Variants in LAMC3 observed in about 807,000 individuals in gnomAD.
LAMC3 encodes laminin subunit gamma 3, also known as laminin subunit gamma-3.
In LAMC3, 128 loss-of-function variants were observed where a neutral mutation model predicts 173.8. The observed-to-expected ratio is 0.74, with a 90% CI of 0.64 to 0.85. The LOEUF is 0.85. Ranked by LOEUF, LAMC3 falls within the 40% of genes least tolerant of loss-of-function variation. The pLI, the probability that LAMC3 is intolerant of heterozygous loss-of-function variation, is 0.00. For missense variants in LAMC3, 2,022 were observed against 2,156.0 expected (o/e 0.94, Z 1.23); for synonymous variants, 897 against 909.1 (o/e 0.99, Z 0.24).
intron 3 of LAMC3, among the ~76,000 whole-genome samples, chr9:131,032,892 T>C (rs2133239410): frequency 6.6e-6 from 1 of 152,350 alleles, no homozygotes; most frequent in East Asian, 1.9e-4. Context: ...GGTCTTGAAC[T>C]CCCAGCCTCA....
chr9:131,061,274 C>A lies in LAMC3; in HGVS notation c.2347+51C>A, dbSNP rs758269416. 8.8e-6 allele frequency: 13 copies of A among 1,485,502 alleles called. No individual in the cohort carries two copies. The Admixed American group carries it at 2.2e-4, about 25-fold the overall frequency. 92.0% of individuals were successfully genotyped at this position (1,485,502 alleles called of 1,614,324 possible). On this transcript the variant is annotated intron_variant, in intron 13 of 27. Coordinates refer to ENST00000361069, the MANE Select transcript of LAMC3 (RefSeq NM_006059.4). ...TGCCCCGCAGAGGGCCAAGCCCCGGCACTGTGACTATGCCCTGGGCTCCAG... is the reference window on the plus strand; with the variant it reads ...TGCCCCGCAGAGGGCCAAGCCCCGGAACTGTGACTATGCCCTGGGCTCCAG...
chr9:131,010,548 A>G (rs1833395620), intron 1 of LAMC3, among the ~76,000 whole-genome samples: 1 of 152,208 alleles, frequency 6.6e-6, no homozygotes, highest in African/African-American at 2.4e-5. Context: ...GTCACCCTCT[A>G]GGGCAGGGGC....
At chr9:131,075,052 C>G (rs964325162) in intron 20 of LAMC3, among the ~76,000 whole-genome samples, 5 of 151,462 alleles carry the variant, frequency 3.3e-5, no homozygotes, top group African/African-American at 1.2e-4. Context: ...TCGTTTGAGG[C>G]AAGGAGTTAC....
chr9:131,030,759 A>G (rs1833809898), intron 2 of LAMC3, among the ~76,000 whole-genome samples: 2 of 152,248 alleles, frequency 1.3e-5, no homozygotes, highest in African/African-American at 4.8e-5. Context: ...AGGAATCGCC[A>G]CAGCGCGTTC....
Position 131,028,818 on chromosome 9 carries a change from G to A in LAMC3, c.678+2229G>A, listed in dbSNP as rs1017797899. Among the ~76,000 whole-genome samples the A allele has an allele frequency of 2.6e-5, 4 of 152,310 alleles. No individual in the cohort carries two copies. The East Asian group carries it at 7.7e-4, about 29-fold the overall frequency. Reference sequence around the variant, plus strand: ...AGTACTGCCAACTTTGAAGGCCAGAGTTTTTTAATAATTTTTTTTTCTTAA... The same window carrying A: ...AGTACTGCCAACTTTGAAGGCCAGAATTTTTTAATAATTTTTTTTTCTTAA... On this transcript the variant is annotated intron_variant, in intron 2 of 27. Coordinates refer to ENST00000361069, the MANE Select transcript of LAMC3 (RefSeq NM_006059.4).
chr9:131,081,947 GGATTTGGTGAT>G (rs1436515510), intron 23 of LAMC3, 101 bp from the exon 24 acceptor site: 2 of 748,756 alleles, frequency 2.7e-6, no homozygotes, highest in Admixed American at 4.0e-5. Flanking sequence ...CCAGCGTCAG[GGATTTGGTGAT>G]GATTTGGGCA....
rs1489930738 is a variant in LAMC3, at chr9:131,092,124, G to A, written c.*337G>A. 38 of 374,626 alleles carry A rather than the reference G, an allele frequency of 1.0e-4. No individual in the cohort carries two copies. The Admixed American group carries it at 1.5e-3, about 15-fold the overall frequency. The allele number at this position is 374,626 out of a possible 1,614,324, so 23.2% of individuals were successfully genotyped here. ...TGTTCAAGTCTAATCCATCCAGTCA[G>A]CAGCTTACGGTCCACACACATTACA... On this transcript the variant is annotated 3_prime_UTR_variant, in exon 28 of 28. Transcript: ENST00000361069.
chr9:131,032,305 A>G (rs988333116), intron 3 of LAMC3, 130 bp downstream of exon 3: 54 of 810,110 alleles, frequency 6.7e-5, no homozygotes, highest in Non-Finnish European at 1.0e-4. Context: ...GGGAGGGAGC[A>G]CCTGCCATTC....
intron 13 of LAMC3, among the ~76,000 whole-genome samples, chr9:131,061,923 C>T (rs570992799): frequency 7.1e-4 from 108 of 152,196 alleles, no homozygotes; most frequent in African/African-American, 2.0e-3. Flanking sequence ...TGGTGGCATG[C>T]ACCTGTGGTC....
At chr9:131,077,895 A>G (rs1470929858) in intron 22 of LAMC3, among the ~76,000 whole-genome samples, 2 of 152,048 alleles carry the variant, frequency 1.3e-5, no homozygotes, top group East Asian at 3.9e-4. Flanking sequence ...CTTCCTCCTT[A>G]CAGTGACATT....
chr9:131,084,184 G>A (rs995309605), intron 24 of LAMC3, among the ~76,000 whole-genome samples: 3 of 151,690 alleles, frequency 2.0e-5, no homozygotes, highest in Non-Finnish European at 2.9e-5. Context: ...TGCCTGGCCT[G>A]TATTCAGTTC....
chr9:131,077,548 G>A (rs529769989), intron 22 of LAMC3, among the ~76,000 whole-genome samples: 2 of 151,682 alleles, frequency 1.3e-5, no homozygotes, highest in Non-Finnish European at 2.9e-5. Flanking sequence ...GTGGTGGTGC[G>A]TGCCTGTAAC....
At chr9:131,043,464 A>G (rs919613405) in intron 7 of LAMC3, among the ~76,000 whole-genome samples, 10 of 152,078 alleles carry the variant, frequency 6.6e-5, no homozygotes, top group African/African-American at 2.4e-4. Context: ...ACAGAGACAG[A>G]CACAAACAAA....
chr9:131,073,119 T>A, intron 19 of LAMC3, 126 bp from the exon 20 acceptor site: 1 of 790,338 alleles, frequency 1.3e-6, no homozygotes. Flanking sequence ...GCCGATGTTG[T>A]GGCCAGCTTT....
intron 11 of LAMC3, among the ~76,000 whole-genome samples, chr9:131,056,373 T>C (rs529978348): frequency 6.6e-6 from 1 of 152,290 alleles, no homozygotes; most frequent in Admixed American, 6.5e-5. Flanking sequence ...GTATCATCGT[T>C]GTTTAAATCT....
At chr9:131,057,223 G>A in intron 12 of LAMC3, 76 bp downstream of exon 12, 1 of 1,276,076 alleles carries the variant, frequency 7.8e-7, no homozygotes, top group Non-Finnish European at 1.1e-6. Context: ...ACCTGAACAG[G>A]GCCAGCCTGG....
chr9:131,029,326 C>T lies in LAMC3; in HGVS notation c.679-2719C>T, dbSNP rs149584374. On this transcript the variant is annotated intron_variant, in intron 2 of 27. Coordinates refer to ENST00000361069, the MANE Select transcript of LAMC3 (RefSeq NM_006059.4). The surrounding 1 kb of genome is among the most constrained non-coding windows in gnomAD (Gnocchi z 4.6). ...TTTAAAAATTACAATTTCTTCTCCA[C>T]GGGGCTCCAAAGCTCTGTAGATTAG... 8.1e-4 allele frequency among the ~76,000 whole-genome samples: 123 copies of T among 152,332 alleles called. No individual in the cohort carries two copies. Among genetic ancestry groups the T allele is most frequent in the African/African-American group, 2.9e-3 (120 of 41,578 alleles).
intron 20 of LAMC3, among the ~76,000 whole-genome samples, chr9:131,075,312 G>A (rs1227781432): frequency 6.7e-6 from 1 of 150,128 alleles, no homozygotes; most frequent in African/African-American, 2.5e-5. Context: ...AGTGGCTCAC[G>A]CCTGTAATCC....
At chr9:131,069,260 G>GC (rs1829998019) in intron 16 of LAMC3, among the ~76,000 whole-genome samples, 1 of 152,196 alleles carries the variant, frequency 6.6e-6, no homozygotes, top group Non-Finnish European at 1.5e-5. Flanking sequence ...TGGGTGCAGG[G>GC]CTGTGCTTGT....
Sources: gnomAD v4.1 joint callset for allele counts (sites outside exome capture counted in the v4.1 genomes callset) on GRCh38, gnomAD v4.1.1 for gene constraint, Gnocchi (gnomAD v3.1) non-coding constraint, MANE v1.5 for transcripts, NCBI Gene and HGNC (gene_info 2026-07-23, HGNC 2026-07-21) for gene names.